Variants in CEP250 observed in about 807,000 individuals in gnomAD.
The protein encoded by CEP250 is centrosomal protein 250.
In CEP250, 242 loss-of-function variants were observed where a neutral mutation model predicts 315.7. The ratio of observed to expected loss-of-function variants is 0.77; its 90% CI spans 0.69 to 0.85. The LOEUF (loss-of-function observed/expected upper bound fraction) is 0.85. Ranked by LOEUF, CEP250 falls within the 40% of genes least tolerant of loss-of-function variation. The pLI, the probability that CEP250 is intolerant of heterozygous loss-of-function variation, is 0.00. For missense variants in CEP250, 2,515 were observed against 2,886.4 expected (o/e 0.87, Z 2.95); for synonymous variants, 1,088 against 1,175.0 (o/e 0.93, Z 1.51).
rs776950412 is a variant in CEP250 at position 35,504,673 on chromosome 20, ACT to A, written c.6307_6308del (p.Leu2103SerfsTer39). Reference sequence around the variant, plus strand: ...TCAGAGTGTAAGGGAGCTACAGCTGACTCTAGCCCAAAAGGAACAGGAGATTC... The same window carrying A: ...TCAGAGTGTAAGGGAGCTACAGCTGACTAGCCCAAAAGGAACAGGAGATTC... Reference protein sequence around the residue: ...LHQSVRELQLTLAQKEQEILE... With the variant: ...LHQSVRELQLXLAQKEQEILE... On this transcript the variant is annotated frameshift_variant, in exon 30 of 35. Coordinates refer to ENST00000397527, the MANE Select transcript of CEP250 (RefSeq NM_007186.6). LOFTEE classifies it high-confidence loss of function. 5.6e-6 allele frequency: 9 copies of A among 1,614,098 alleles called. No homozygotes were observed. The highest frequency in any genetic ancestry group is 7.6e-6 in the Non-Finnish European group (9 of 1,180,004).
chr20:35,473,343 T>A, intron 12 of CEP250, 31 bp from the exon 13 acceptor site: 1 of 1,577,622 alleles, frequency 6.3e-7, no homozygotes, highest in Non-Finnish European at 8.6e-7. Flanking sequence ...CCCTTGTTCA[T>A]CATCTGGTTT....
Position 35,493,592 on chromosome 20 carries a change from C to A in CEP250, c.3033+20C>A. On this transcript the variant is annotated intron_variant, in intron 23 of 34. Transcript: ENST00000397527. ...AAGCAGGTCCCCTCCTCCTCCCCAC[C>A]AAGTCCCATGGTCCTTCCCCAACAC... 6.6e-7 allele frequency: 1 copy of A among 1,514,114 alleles called. No individual in the cohort carries two copies. Among genetic ancestry groups the A allele is most frequent in the Non-Finnish European group, 8.8e-7 (1 of 1,132,286 alleles). 93.8% of individuals were successfully genotyped at this position (1,514,114 alleles called of 1,614,324 possible). A position where few individuals can be genotyped will look rare whatever the true frequency, so the allele number is the denominator to read the frequency against.
rs139645049 is a variant in CEP250, at chr20:35,479,256, C to T, written c.2120C>T (p.Thr707Met). ...SESRHQQEAA[T>M]TQLEQLHQEA... ...TCACGTCACCAGCAGGAGGCAGCCA[C>T]GACTCAGCTGGAGCAGCTACATCAG... The change falls in exon 18 of 35, where the codon ACG becomes ATG. Residue 707 changes from threonine (T) to methionine (M), a missense_variant. By Grantham distance (81) the Thr-to-Met change is moderately conservative. Coordinates refer to ENST00000397527, the MANE Select transcript of CEP250 (RefSeq NM_007186.6). The T allele has an allele frequency of 3.9e-4, 629 of 1,613,866 alleles. No individual in the cohort carries two copies. The highest frequency in any genetic ancestry group is 1.6e-3 in the Admixed American group (93 of 59,964).
Position 35,497,931 on chromosome 20 carries a change from G to A in CEP250, c.3519G>A (p.Gly1173=), listed in dbSNP as rs745776700. The change falls in exon 26 of 35, where the codon GGG becomes GGA. Residue 1173 remains glycine, a synonymous_variant. Transcript: ENST00000397527. ...CGCTGGCCGCAGAGCAGCAGCCCGG[G>A]AACCAGGCCCAGGCCCAGGCCCAGC... ...LEALAAEQQP[G]NQAQAQAQLA... 2 of 1,611,766 alleles carry A rather than the reference G, an allele frequency of 1.2e-6. No homozygotes were observed. Among genetic ancestry groups the A allele is most frequent in the African/African-American group, 1.3e-5 (1 of 74,906 alleles).
At chr20:35,473,125 G>C (rs1031663647) in intron 12 of CEP250, among the ~76,000 whole-genome samples, 13 of 152,096 alleles carry the variant, frequency 8.5e-5, no homozygotes, top group African/African-American at 3.1e-4. Flanking sequence ...CTCCAACTCT[G>C]AGAGTCTTAG....
chr20:35,508,242 C>T, intron 32 of CEP250, 52 bp downstream of exon 32: 1 of 1,591,946 alleles, frequency 6.3e-7, no homozygotes, highest in Non-Finnish European at 8.6e-7. Context: ...TCGTGTGGTC[C>T]CTAGAGCATA....
chr20:35,496,800 A>G, intron 25 of CEP250, 85 bp downstream of exon 25: 1 of 1,394,184 alleles, frequency 7.2e-7, no homozygotes, highest in Non-Finnish European at 9.7e-7. Context: ...GAGTCCTCTC[A>G]TGGAGAGGAC....
At position 35,472,090 on chromosome 20, in the gene CEP250, TTAG is replaced by T. The variant is rs2063037830; in HGVS notation, c.993_995del (p.Ser331del). 19 of 1,613,368 alleles carry T rather than the reference TTAG, an allele frequency of 1.2e-5. No individual in the cohort carries two copies. The highest frequency in any genetic ancestry group is 1.6e-5 in the Non-Finnish European group (19 of 1,179,278). On this transcript the variant is annotated inframe_deletion, in exon 11 of 35. Transcript: ENST00000397527. ...GAATTAATGGAACATGAAGCATCTC[TTAG>T]TAGGAATGCGCAAGAGGAGAAGTTG...
At chr20:35,495,820 G>A (rs1302833254) in intron 24 of CEP250, among the ~76,000 whole-genome samples, 1 of 152,160 alleles carries the variant, frequency 6.6e-6, no homozygotes, top group Non-Finnish European at 1.5e-5. Context: ...GGTGAATCTA[G>A]AGGCAGGAAG....
At chr20:35,476,695 C>A in intron 16 of CEP250, 100 bp downstream of exon 16, 1 of 1,027,426 alleles carries the variant, frequency 9.7e-7, no homozygotes, top group Non-Finnish European at 1.5e-6. Flanking sequence ...GCAAAAGGAA[C>A]ATTTACAATG....
At position 35,501,806 on chromosome 20, in the gene CEP250, A is replaced by C. The variant is rs2064011924; in HGVS notation, c.3899-39A>C. ...CCTCTATATCCCAAACATGGGTCTT[A>C]CTCCACTACCTCTCCTCTCCTCTCC... On this transcript the variant is annotated intron_variant, in intron 28 of 34. Coordinates refer to ENST00000397527, the MANE Select transcript of CEP250 (RefSeq NM_007186.6). 3.9e-6 allele frequency: 6 copies of C among 1,528,186 alleles called. No homozygotes were observed. In the African/African-American group the frequency reaches 4.7e-5, roughly 12 times the overall value. The allele number at this position is 1,528,186 out of a possible 1,614,324, so 94.7% of individuals were successfully genotyped here.
rs539686296 is a variant in CEP250 at position 35,474,188 on chromosome 20, T to G, written c.1571+136T>G. ...AGTGGGTTCAGATTAGCTTGCTGCT[T>G]CTTCCTTTGCAGAAAGATGAATATG... On this transcript the variant is annotated intron_variant, in intron 14 of 34. Coordinates refer to ENST00000397527, the MANE Select transcript of CEP250 (RefSeq NM_007186.6). 4 of 725,010 alleles carry G rather than the reference T, an allele frequency of 5.5e-6. No individual in the cohort carries two copies. In the East Asian group the frequency reaches 9.6e-5, roughly 17 times the overall value. 44.9% of individuals were successfully genotyped at this position (725,010 alleles called of 1,614,324 possible). A position where few individuals can be genotyped will look rare whatever the true frequency, so the allele number is the denominator to read the frequency against.
intron 4 of CEP250, among the ~76,000 whole-genome samples, chr20:35,463,058 ATT>A (rs2062792480): frequency 2.6e-5 from 4 of 152,174 alleles, no homozygotes; most frequent in Non-Finnish European, 4.4e-5. Flanking sequence ...TTATTTATTT[ATT>A]TATTTATTTT....
intron 32 of CEP250, 55 bp from the exon 33 acceptor site, chr20:35,508,888 C>T: frequency 2.1e-6 from 3 of 1,444,466 alleles, no homozygotes; most frequent in Non-Finnish European, 2.8e-6. Flanking sequence ...AAAGGCAGCT[C>T]TGCTCCAACC....
chr20:35,499,466 C>A (rs1044912033), intron 27 of CEP250, among the ~76,000 whole-genome samples: 1 of 152,188 alleles, frequency 6.6e-6, no homozygotes, highest in African/African-American at 2.4e-5. Context: ...AATTCCACCT[C>A]ACAGTGAACC....
At chr20:35,456,463 C>G (rs1015577833) in intron 1 of CEP250, among the ~76,000 whole-genome samples, 5 of 152,132 alleles carry the variant, frequency 3.3e-5, no homozygotes, top group Admixed American at 3.3e-4. Flanking sequence ...TATTTTACCG[C>G]GAAGGCTTAG....
Position 35,494,641 on chromosome 20 carries a change from G to T in CEP250, c.3151G>T (p.Glu1051Ter). 6.2e-7 allele frequency: 1 copy of T among 1,614,090 alleles called. No homozygotes were observed. The highest frequency in any genetic ancestry group is 8.5e-7 in the Non-Finnish European group (1 of 1,179,978). ...QEYNRIQKEL[E>*]REKASLTLSL... ...GTATAACCGAATTCAGAAGGAGCTG[G>T]AGAGAGAGAAAGCCAGGTAGGCTAG... The change falls in exon 24 of 35, where the codon GAG becomes TAG. Residue 1051 changes from glutamate to a stop codon, truncating the protein, a stop_gained. Transcript: ENST00000397527. LOFTEE classifies it high-confidence loss of function.
At chr20:35,465,074 C>T (rs535062678) in intron 5 of CEP250, among the ~76,000 whole-genome samples, 3 of 152,224 alleles carry the variant, frequency 2.0e-5, no homozygotes, top group Admixed American at 6.5e-5. Context: ...CTGAAGGGAA[C>T]GATATACCGC....
chr20:35,482,048 A>AATAGATAG (rs35585772), intron 20 of CEP250, among the ~76,000 whole-genome samples: 2,348 of 146,198 alleles, frequency 0.016, 20 homozygotes, highest in East Asian at 0.02. Context: ...AGGCTTAAAA[A>AATAGATAG]ATAGATAGAT....
Sources: allele counts gnomAD v4.1 joint callset (sites outside exome capture counted in the v4.1 genomes callset), GRCh38; gene constraint gnomAD v4.1.1; transcripts MANE v1.5; gene names NCBI Gene and HGNC (gene_info 2026-07-23, HGNC 2026-07-21).